The following NRXN3 variants were observed in gnomAD, a reference collection of about 807,000 sequenced individuals.
The protein encoded by NRXN3 is neurexin 3.
A neutral mutation model predicts 137.6 loss-of-function variants in NRXN3; 32 were observed. That is an observed-to-expected ratio of 0.23 (90% CI 0.18 to 0.31). NRXN3 has a LOEUF of 0.31. Ranked by LOEUF, NRXN3 falls within the 10% of genes least tolerant of loss-of-function variation. The pLI is 1.00. For missense variants in NRXN3, 1,574 were observed against 2,062.5 expected (o/e 0.76, Z 4.59); for synonymous variants, 798 against 784.5 (o/e 1.02, Z -0.29).
At chr14:79,560,509 T>C (rs111387651) in intron 16 of NRXN3, among the ~76,000 whole-genome samples, 24 of 93,090 alleles carry the variant, frequency 2.6e-4, no homozygotes, top group South Asian at 3.8e-4. Flanking sequence ...GTAAGCTTTT[T>C]TTTTTTTTTT....
chr14:78,402,877 TTATTAA>T (rs1306794869), intron 4 of NRXN3, among the ~76,000 whole-genome samples: 1 of 152,210 alleles, frequency 6.6e-6, no homozygotes. Context: ...GCTGCTTCTA[TTATTAA>T]TATTAACACT....
chr14:79,532,225 C>T (rs1178897896), intron 16 of NRXN3, among the ~76,000 whole-genome samples: 1 of 152,232 alleles, frequency 6.6e-6, no homozygotes, highest in South Asian at 2.1e-4. Context: ...GTGTGTATGT[C>T]TTTATGTAAG....
At chr14:79,004,982 G>A (rs1332768976) in intron 15 of NRXN3, among the ~76,000 whole-genome samples, 1 of 152,114 alleles carries the variant, frequency 6.6e-6, no homozygotes, top group Non-Finnish European at 1.5e-5. Context: ...GGTGACTTAA[G>A]TTTTCATGTT....
chr14:78,577,614 T>C (rs1023075057), intron 4 of NRXN3, among the ~76,000 whole-genome samples: 1 of 152,110 alleles, frequency 6.6e-6, no homozygotes, highest in African/African-American at 2.4e-5. Context: ...TACAGGCTTG[T>C]AGTACCACGC....
At chr14:79,494,281 T>C (rs2096745076) in intron 16 of NRXN3, among the ~76,000 whole-genome samples, 1 of 152,216 alleles carries the variant, frequency 6.6e-6, no homozygotes, top group African/African-American at 2.4e-5. Flanking sequence ...GATTAGACTT[T>C]CTTCATTAGC....
chr14:79,220,368 C>A (rs1239754263), intron 15 of NRXN3, among the ~76,000 whole-genome samples: 3 of 152,168 alleles, frequency 2.0e-5, no homozygotes, highest in Non-Finnish European at 4.4e-5. Context: ...TAAACCTCTT[C>A]CTATGCCATC....
intron 16 of NRXN3, among the ~76,000 whole-genome samples, chr14:79,580,700 A>G (rs1047867888): frequency 6.6e-6 from 1 of 152,168 alleles, no homozygotes; most frequent in Non-Finnish European, 1.5e-5. Context: ...CTTGAAGTTC[A>G]GTTAACTCAG....
chr14:78,532,836 A>G (rs2096487046), intron 4 of NRXN3, among the ~76,000 whole-genome samples: 1 of 151,838 alleles, frequency 6.6e-6, no homozygotes, highest in Non-Finnish European at 1.5e-5. Context: ...TGCCTAGGTC[A>G]ATGATTTATT....
chr14:79,537,462 C>T (rs1361342824), intron 16 of NRXN3, among the ~76,000 whole-genome samples: 1 of 151,984 alleles, frequency 6.6e-6, no homozygotes, highest in Admixed American at 6.6e-5. Flanking sequence ...CACAACAGGC[C>T]CCGGTGTGTG....
intron 4 of NRXN3, among the ~76,000 whole-genome samples, chr14:78,538,599 G>C (rs941484212): frequency 6.6e-6 from 1 of 152,140 alleles, no homozygotes; most frequent in Non-Finnish European, 1.5e-5. Flanking sequence ...ATTGAATACA[G>C]TTTATTTCTT....
intron 6 of NRXN3, among the ~76,000 whole-genome samples, chr14:78,661,546 A>G (rs1286216833): frequency 6.6e-6 from 1 of 152,136 alleles, no homozygotes; most frequent in Non-Finnish European, 1.5e-5. Flanking sequence ...TGGCTTGTTA[A>G]CTTTGTGGAT....
chr14:78,630,230 C>T (rs961704101), intron 4 of NRXN3, among the ~76,000 whole-genome samples: 2 of 152,114 alleles, frequency 1.3e-5, no homozygotes, highest in African/African-American at 2.4e-5. Context: ...CAACTCAAAA[C>T]GAAAAGAATC....
intron 10 of NRXN3, among the ~76,000 whole-genome samples, chr14:78,878,609 T>C (rs980314350): frequency 2.6e-5 from 4 of 152,222 alleles, no homozygotes; most frequent in South Asian, 2.1e-4. Context: ...AATATACTTA[T>C]GGTGTACAAT....
rs567615035 is a variant in NRXN3, at chr14:79,766,800, G to T, written c.4015-38312G>T. Among the ~76,000 whole-genome samples the T allele has an allele frequency of 4.6e-4, 70 of 152,334 alleles. No individual in the cohort carries two copies. The Middle Eastern group carries it at 0.014, about 30-fold the overall frequency. ...AGGACTAGTAGGGGTTAGCAGGCAG[G>T]CAGGAAGAAGAAGGGCATGGTTGGC... is the stretch of plus-strand genomic sequence containing the variant. On this transcript the variant is annotated intron_variant, in intron 19 of 20. Coordinates refer to ENST00000335750, the MANE Select transcript of NRXN3 (RefSeq NM_001330195.2).
At chr14:78,984,110 G>A (rs1419582312) in intron 14 of NRXN3, among the ~76,000 whole-genome samples, 1 of 151,974 alleles carries the variant, frequency 6.6e-6, no homozygotes, top group Non-Finnish European at 1.5e-5. Flanking sequence ...TGGGTACAAA[G>A]TTTCAATTAG....
chr14:79,302,952 C>G (rs2085396383), intron 15 of NRXN3, among the ~76,000 whole-genome samples: 1 of 151,934 alleles, frequency 6.6e-6, no homozygotes, highest in African/African-American at 2.4e-5. Context: ...CCAAACACTT[C>G]CCTCCAAGCC....
chr14:78,557,221 T>C (rs1463096805), intron 4 of NRXN3, among the ~76,000 whole-genome samples: 1 of 148,784 alleles, frequency 6.7e-6, no homozygotes, highest in Non-Finnish European at 1.5e-5. Flanking sequence ...TATTTTTTTC[T>C]ATTTTTTTTT....
chr14:79,364,192 A>G (rs533249882), intron 15 of NRXN3, among the ~76,000 whole-genome samples: 2 of 152,112 alleles, frequency 1.3e-5, no homozygotes, highest in Admixed American at 6.5e-5. Context: ...TCTGTCTTCT[A>G]TAATTCTAGA....
chr14:78,878,875 C>G (rs1283412217), intron 10 of NRXN3, among the ~76,000 whole-genome samples: 1 of 152,106 alleles, frequency 6.6e-6, no homozygotes, highest in Non-Finnish European at 1.5e-5. Context: ...ACCTCAGCAC[C>G]TGGTAACCAC....
Sources: gnomAD v4.1 joint callset for allele counts (sites outside exome capture counted in the v4.1 genomes callset) on GRCh38, gnomAD v4.1.1 for gene constraint, MANE v1.5 for transcripts, NCBI Gene and HGNC (gene_info 2026-07-23, HGNC 2026-07-21) for gene names.